Variants in RAPGEF3 observed in about 807,000 individuals in gnomAD.
RAPGEF3 encodes 9330170P05Rik.
RAPGEF3 carries 103 observed loss-of-function variants against 129.8 expected under a neutral mutation model. The ratio of observed to expected loss-of-function variants is 0.79; its 90% CI spans 0.68 to 0.93. The LOEUF is 0.93. Ranked by LOEUF, RAPGEF3 falls within the 40% of genes least tolerant of loss-of-function variation. RAPGEF3 has a pLI of 0.00. For synonymous variants in RAPGEF3, 436 were observed against 482.6 expected (o/e 0.90, Z 1.26); for missense variants, 1,117 against 1,207.4 (o/e 0.93, Z 1.11).
rs1042594353 is a variant in RAPGEF3 at position 47,752,140 on chromosome 12, G to C, written c.220-171C>G. On this transcript the variant is annotated intron_variant, in intron 2 of 27. Coordinates refer to ENST00000449771, the MANE Select transcript of RAPGEF3 (RefSeq NM_001098531.4). ...ATATTCACTCAGCACCCTGTGCCCCGGGCATCGCCTCTTCCCACCCTGCCA... is the reference window on the plus strand; with the variant it reads ...ATATTCACTCAGCACCCTGTGCCCCCGGCATCGCCTCTTCCCACCCTGCCA... Among the ~76,000 whole-genome samples the C allele has an allele frequency of 2.0e-5, 3 of 152,140 alleles. No homozygotes were observed. In the East Asian group the frequency reaches 5.8e-4, roughly 29 times the overall value.
At chr12:47,758,511 C>A (rs776234792) in intron 1 of RAPGEF3, 40 bp downstream of exon 1, 5 of 1,609,408 alleles carry the variant, frequency 3.1e-6, no homozygotes, top group Non-Finnish European at 4.2e-6. Flanking sequence ...CTCTCCCGCC[C>A]TCTCCTGCTC....
intron 24 of RAPGEF3, 35 bp downstream of exon 24, chr12:47,739,108 G>A: frequency 1.3e-6 from 2 of 1,501,354 alleles, no homozygotes; most frequent in Non-Finnish European, 1.8e-6. Flanking sequence ...GCAGGAAGGG[G>A]GGAATGGAGG....
At position 47,749,276 on chromosome 12, in the gene RAPGEF3, G is replaced by T; in HGVS notation, c.1041+114C>A. On this transcript the variant is annotated intron_variant, in intron 10 of 27. Transcript: ENST00000449771. The surrounding 1 kb of genome is among the most constrained non-coding windows in gnomAD (Gnocchi z 4.5). ...TCCCACTGCCAGCTGTCATAGCCCAGCATCTCTTACCTGCCCTGCTTCTTA... is the reference window on the plus strand; with the variant it reads ...TCCCACTGCCAGCTGTCATAGCCCATCATCTCTTACCTGCCCTGCTTCTTA... The T allele has an allele frequency of 7.5e-7, 1 of 1,324,642 alleles. No individual in the cohort carries two copies. The highest frequency in any genetic ancestry group is 1.1e-6 in the Non-Finnish European group (1 of 937,880). 82.1% of individuals were successfully genotyped at this position (1,324,642 alleles called of 1,614,324 possible). A position where few individuals can be genotyped will look rare whatever the true frequency, so the allele number is the denominator to read the frequency against.
At chr12:47,751,586 T>C in intron 4 of RAPGEF3, 66 bp from the exon 5 acceptor site, 1 of 1,606,472 alleles carries the variant, frequency 6.2e-7, no homozygotes, top group South Asian at 1.1e-5. Flanking sequence ...GAACTATGCA[T>C]TAGAAAGGCA....
chr12:47,751,503 C>G lies in RAPGEF3; in HGVS notation c.398G>C (p.Arg133Pro). Reference protein sequence around the residue: ...LRLYRQCCSGRELVDGILALG... With the variant: ...LRLYRQCCSGPELVDGILALG... ...GGCCAAGATCCCATCCACCAGCTCC[C>G]GGCCAGAGCAGCACTGCCTATGGAA... Residue 133 changes from arginine (R) to proline (P), a missense_variant, in exon 5 of 28, where the codon CGG (arginine) becomes CCG (proline). This residue lies in a region of RAPGEF3 where 367 missense variants were observed against 373.4 expected (regional missense o/e 0.98). Transcript: ENST00000449771. 1 of 1,614,202 alleles carries G rather than the reference C, an allele frequency of 6.2e-7. No homozygotes were observed. Among genetic ancestry groups the G allele is most frequent in the South Asian group, 1.1e-5 (1 of 91,084 alleles).
chr12:47,739,965 G>A, intron 23 of RAPGEF3, 176 bp downstream of exon 23: 1 of 742,638 alleles, frequency 1.3e-6, no homozygotes, highest in East Asian at 2.7e-5. Context: ...CCCTTCCTCA[G>A]CCAGCTCCCC....
At chr12:47,739,856 CCA>C (rs1424879614) in intron 23 of RAPGEF3, 1 of 533,628 alleles carries the variant, frequency 1.9e-6, no homozygotes, top group Non-Finnish European at 3.4e-6. Context: ...GACTGGACAC[CCA>C]CATGCTCCAG....
In RAPGEF3 at chr12:47,749,794, T is replaced by C. The variant is rs778540607; in HGVS notation, c.841A>G (p.Thr281Ala). 6.2e-7 allele frequency: 1 copy of C among 1,614,196 alleles called. No individual in the cohort carries two copies. The highest frequency in any genetic ancestry group is 8.5e-7 in the Non-Finnish European group (1 of 1,180,036). Residue 281 changes from threonine to alanine, a missense_variant, in exon 9 of 28, where the codon ACT becomes GCT. Coordinates refer to ENST00000449771, the MANE Select transcript of RAPGEF3 (RefSeq NM_001098531.4). The surrounding 1 kb of genome is among the most constrained non-coding windows in gnomAD (Gnocchi z 4.5). ...CCCTTCCAGATAATGTACCACGAAGTGCCCTTGTCCCCCTGGCTGAACACT... is the reference window on the plus strand; with the variant it reads ...CCCTTCCAGATAATGTACCACGAAGCGCCCTTGTCCCCCTGGCTGAACACT... Reference protein sequence around the residue: ...TVLFSQGDKGTSWYIIWKGSV... With the variant: ...TVLFSQGDKGASWYIIWKGSV...
chr12:47,739,731 C>T (rs535050649), intron 23 of RAPGEF3: 2 of 367,576 alleles, frequency 5.4e-6, no homozygotes, highest in Non-Finnish European at 1.0e-5. Context: ...CTGGTCTAGC[C>T]CGCAAGCCCC....
intron 13 of RAPGEF3, 35 bp from the exon 14 acceptor site, chr12:47,747,897 C>G: frequency 6.3e-7 from 1 of 1,598,596 alleles, no homozygotes; most frequent in Non-Finnish European, 8.5e-7. Flanking sequence ...AACATCCAAG[C>G]AGGGCCACCC....
intron 2 of RAPGEF3, among the ~76,000 whole-genome samples, chr12:47,757,029 C>T (rs1444709502): frequency 6.6e-6 from 1 of 151,698 alleles, no homozygotes; most frequent in East Asian, 1.9e-4. Flanking sequence ...CGCAGTGGGT[C>T]ACGCCTGTAA....
In RAPGEF3 at chr12:47,743,675, G is replaced by T; in HGVS notation, c.1680C>A (p.Val560=). The change falls in exon 18 of 28, where the codon GTC becomes GTA. Residue 560 remains valine, a splice_region_variant and synonymous_variant. Transcript: ENST00000449771. ...GGTCTGGCCGGCAGATGTCATAGGG[G>T]ACTGAAGAGGAGACCAGACTGAGCT... ...SSCAIQVGDK[V]PYDICRPDHS... 1 of 1,605,314 alleles carries T rather than the reference G, an allele frequency of 6.2e-7. No individual in the cohort carries two copies. Among genetic ancestry groups the T allele is most frequent in the Non-Finnish European group, 8.5e-7 (1 of 1,172,890 alleles).
rs1428013824 is a variant in RAPGEF3 at position 47,758,621 on chromosome 12, C to T, written c.-65G>A. 1 of 1,608,610 alleles carries T rather than the reference C, an allele frequency of 6.2e-7. No homozygotes were observed. Among genetic ancestry groups the T allele is most frequent in the Non-Finnish European group, 8.5e-7 (1 of 1,177,084 alleles). ...AAAGGCTGGGGGGTCCCCAGCGACC[C>T]CCATCAGCTTTGATAAGGGGATCCG... On this transcript the variant is annotated 5_prime_UTR_variant, in exon 1 of 28. Transcript: ENST00000449771.
Position 47,749,919 on chromosome 12 carries a change from G to T in RAPGEF3, c.817+11C>A. On this transcript the variant is annotated intron_variant, in intron 8 of 27. Coordinates refer to ENST00000449771, the MANE Select transcript of RAPGEF3 (RefSeq NM_001098531.4). This position sits in a 1 kb window ranked among gnomAD's most constrained non-coding sequence, Gnocchi z 4.5. ...CCCTGTGCCTGGCTTCTTATGCCCT[G>T]CTGGACTTACACACGGTCCCTGCCT... is the stretch of plus-strand genomic sequence containing the variant. 6.2e-7 allele frequency: 1 copy of T among 1,614,214 alleles called. No homozygotes were observed. The highest frequency in any genetic ancestry group is 1.1e-5 in the South Asian group (1 of 91,080).
chr12:47,739,054 T>C (rs1333013845), intron 24 of RAPGEF3, 89 bp downstream of exon 24: 8 of 1,132,214 alleles, frequency 7.1e-6, no homozygotes, highest in Admixed American at 2.1e-5. Flanking sequence ...CAGATAGGCA[T>C]GGGATGGGGG....
In RAPGEF3 at chr12:47,738,682, G is replaced by A. The variant is rs556812576; in HGVS notation, c.2526+8C>T. The stretch of plus-strand genomic sequence containing the variant: ...TTAGTAGTGAATGCCTGCTCTCCCT[G>A]GACTCACCATCTTCTCAAAGTTGAT... On this transcript the variant is annotated splice_region_variant and intron_variant, in intron 25 of 27. Transcript: ENST00000449771. The A allele has an allele frequency of 7.7e-5, 122 of 1,593,134 alleles. 1 individual carries two copies. In the South Asian group the frequency reaches 1.2e-3, roughly 15 times the overall value.
In RAPGEF3 at chr12:47,738,262, G is replaced by A. The variant is rs540059134; in HGVS notation, c.2527-15C>T. 1.1e-5 allele frequency: 18 copies of A among 1,612,710 alleles called. No individual in the cohort carries two copies. The East Asian group carries it at 2.0e-4, about 18-fold the overall frequency. ...GCCATCATTCTCTGCGGACAACACC[G>A]GGGCATAAGCTCTTGCCTGAGGGAG... is the stretch of plus-strand genomic sequence containing the variant. On this transcript the variant is annotated splice_polypyrimidine_tract_variant and intron_variant, in intron 25 of 27. Transcript: ENST00000449771.
In RAPGEF3 at chr12:47,751,144, A is replaced by ACGGGCTCGGGCT. The variant is rs57675024; in HGVS notation, c.563_574dup (p.Glu188_Pro191dup). 3 of 1,563,268 alleles carry ACGGGCTCGGGCT rather than the reference A, an allele frequency of 1.9e-6. No homozygotes were observed. Among genetic ancestry groups the ACGGGCTCGGGCT allele is most frequent in the Admixed American group, 1.9e-5 (1 of 51,820 alleles). On this transcript the variant is annotated inframe_insertion, in exon 6 of 28. Coordinates refer to ENST00000449771, the MANE Select transcript of RAPGEF3 (RefSeq NM_001098531.4). ...CTCCTCCTCCATCTCATGAGTTCTC[A>ACGGGCTCGGGCT]CGGGCTCGGGCTCGGGCCCGGGGAA...
intron 17 of RAPGEF3, 75 bp from the exon 18 acceptor site, chr12:47,743,751 C>T: frequency 6.4e-7 from 1 of 1,550,610 alleles, no homozygotes; most frequent in Non-Finnish European, 8.8e-7. Context: ...GCGGCTATTG[C>T]AGTAATGGTG....
Sources: gnomAD v4.1 joint callset for allele counts (sites outside exome capture counted in the v4.1 genomes callset) on GRCh38, gnomAD v4.1.1 for gene constraint, gnomAD v4.1.1 regional missense constraint, Gnocchi (gnomAD v3.1) non-coding constraint, MANE v1.5 for transcripts, NCBI Gene and HGNC (gene_info 2026-07-23, HGNC 2026-07-21) for gene names.